EHMT1: variants seen among roughly 807,000 people sequenced by gnomAD.
EHMT1 encodes the protein histone-lysine N-methyltransferase EHMT1.
EHMT1 carries 15 observed loss-of-function variants against 147.2 expected under a neutral mutation model. That is an observed-to-expected ratio of 0.10 (90% confidence interval 0.07 to 0.16). EHMT1 has a LOEUF of 0.16. EHMT1 is among the 10% of genes least tolerant of loss of function. EHMT1 has a pLI of 1.00. For synonymous variants in EHMT1, 795 were observed against 709.6 expected (o/e 1.12, Z -1.91); for missense variants, 1,587 against 1,772.4 (o/e 0.90, Z 1.88).
chr9:137,670,112 A>C (rs1407024706), intron 1 of EHMT1, among the ~76,000 whole-genome samples: 1 of 152,090 alleles, frequency 6.6e-6, no homozygotes, highest in Non-Finnish European at 1.5e-5. Flanking sequence ...CGCCTGCCTC[A>C]GCCTCCCAAA....
intron 22 of EHMT1, 197 bp from the exon 23 acceptor site, chr9:137,815,750 T>G (rs1954868254): frequency 1.6e-6 from 1 of 632,108 alleles, no homozygotes; most frequent in Non-Finnish European, 2.9e-6. Flanking sequence ...ACAACCTGTG[T>G]GGGCATCTGG....
chr9:137,669,654 G>A (rs1009751849), intron 1 of EHMT1, among the ~76,000 whole-genome samples: 1 of 150,492 alleles, frequency 6.6e-6, no homozygotes, highest in South Asian at 2.1e-4. Flanking sequence ...TGCTCTCTTC[G>A]GAGCATTCAT....
Position 137,716,788 on chromosome 9 carries a change from A to T in EHMT1, c.248A>T (p.Asp83Val). ...TQDSARVNPQDGTNTLTRIAE... is the reference protein window; with the variant it reads ...TQDSARVNPQVGTNTLTRIAE... ...GACAGCGCAAGGGTCAACCCCCAGG[A>T]TGGCACCAACACACTAACTCGGATA... The change falls in exon 3 of 27, where the codon GAT becomes GTT. Residue 83 changes from aspartate (D) to valine (V), a missense_variant. Transcript: ENST00000460843. 1 of 1,613,280 alleles carries T rather than the reference A, an allele frequency of 6.2e-7. No homozygotes were observed. The highest frequency in any genetic ancestry group is 2.2e-5 in the East Asian group (1 of 44,886).
intron 25 of EHMT1, among the ~76,000 whole-genome samples, chr9:137,819,706 T>A (rs1360967365): frequency 6.6e-6 from 1 of 151,240 alleles, no homozygotes; most frequent in Non-Finnish European, 1.5e-5. Context: ...CGGCTGTGTG[T>A]TCTCGGTGAC....
intron 1 of EHMT1, among the ~76,000 whole-genome samples, chr9:137,644,818 G>A (rs901345568): frequency 6.6e-6 from 1 of 152,052 alleles, no homozygotes; most frequent in African/African-American, 2.4e-5. Flanking sequence ...TCTTTTGGTT[G>A]TCTCAATTGC....
At chr9:137,670,242 T>C (rs1940415477) in intron 1 of EHMT1, among the ~76,000 whole-genome samples, 1 of 151,956 alleles carries the variant, frequency 6.6e-6, no homozygotes. Flanking sequence ...CCTCCAAAGA[T>C]TTGTGTTTTT....
chr9:137,723,625 G>A (rs1281189747), intron 3 of EHMT1, among the ~76,000 whole-genome samples: 2 of 152,090 alleles, frequency 1.3e-5, no homozygotes, highest in African/African-American at 4.8e-5. Flanking sequence ...CCTGTGGCCC[G>A]GGGTGTGCCC....
At position 137,716,665 on chromosome 9, in the gene EHMT1, A is replaced by G; in HGVS notation, c.125A>G (p.Gln42Arg). The change falls in exon 3 of 27, where the codon CAG becomes CGG. Residue 42 changes from glutamine (Q) to arginine (R), a missense_variant. This residue lies in a region of EHMT1 where 810 missense variants were observed against 673.0 expected (regional missense o/e 1.20). Coordinates refer to ENST00000460843, the MANE Select transcript of EHMT1 (RefSeq NM_024757.5). Reference protein sequence around the residue: ...MAADEGSAEKQAGEAHMAADG... With the variant: ...MAADEGSAEKRAGEAHMAADG... ...GCCGATGAAGGCTCAGCAGAGAAACAGGCAGGAGAGGCCCACATGGCTGCG... is the reference window on the plus strand; with the variant it reads ...GCCGATGAAGGCTCAGCAGAGAAACGGGCAGGAGAGGCCCACATGGCTGCG... The G allele has an allele frequency of 6.3e-7, 1 of 1,595,714 alleles. No homozygotes were observed. The highest frequency in any genetic ancestry group is 8.6e-7 in the Non-Finnish European group (1 of 1,168,276).
rs1945467935 is a variant in EHMT1 at position 137,717,608 on chromosome 9, A to G, written c.642+426A>G. 1.2e-4 allele frequency among the ~76,000 whole-genome samples: 16 copies of G among 138,034 alleles called. No homozygotes were observed. In the South Asian group the frequency reaches 3.4e-3, roughly 29 times the overall value. The allele number at this position is 138,034 out of a possible 152,430, so 90.6% of individuals were successfully genotyped here. ...GCACCAGAGTGAGACCCTGTCTCAA[A>G]AAAAAAAAAAAAAAAAAAGAGATGC... On this transcript the variant is annotated intron_variant, in intron 3 of 26. Transcript: ENST00000460843.
chr9:137,756,755 T>A lies in EHMT1; in HGVS notation c.1370-1125T>A, dbSNP rs569032529. Among the ~76,000 whole-genome samples the A allele has an allele frequency of 2.0e-5, 3 of 152,388 alleles. No homozygotes were observed. The East Asian group carries it at 5.8e-4, about 29-fold the overall frequency. On this transcript the variant is annotated intron_variant, in intron 8 of 26. Transcript: ENST00000460843. ...GCTGTAATGTGCAAAATGTGTGCTT[T>A]TAAATATTCACAGAGGAGTTTGAAT...
intron 10 of EHMT1, among the ~76,000 whole-genome samples, chr9:137,769,388 T>C (rs1564726877): frequency 6.6e-6 from 1 of 152,246 alleles, no homozygotes; most frequent in Non-Finnish European, 1.5e-5. Flanking sequence ...ATCTAAAGAC[T>C]TTCCAATAAC....
intron 2 of EHMT1, among the ~76,000 whole-genome samples, chr9:137,714,578 T>A (rs1183850082): frequency 2.8e-5 from 4 of 142,440 alleles, no homozygotes; most frequent in African/African-American, 8.7e-5. Flanking sequence ...TTTTTTTTTT[T>A]AATGAGACCT....
intron 9 of EHMT1, among the ~76,000 whole-genome samples, chr9:137,759,512 A>G (rs1410282874): frequency 6.6e-6 from 1 of 152,204 alleles, no homozygotes; most frequent in East Asian, 1.9e-4. Context: ...GGGGGAAGGT[A>G]GCTCTAAAGG....
chr9:137,834,957 G>A lies in EHMT1; in HGVS notation c.*4G>A, dbSNP rs1037254250. The A allele has an allele frequency of 9.9e-6, 14 of 1,421,068 alleles. No individual in the cohort carries two copies. The African/African-American group carries it at 2.0e-4, about 20-fold the overall frequency. 88.0% of individuals were successfully genotyped at this position (1,421,068 alleles called of 1,614,324 possible). A position where few individuals can be genotyped will look rare whatever the true frequency, so the allele number is the denominator to read the frequency against. ...GGCTGCCGCCGACCCCCTATGAGAC[G>A]CCGCCGGCCAGCGGGGCGCTCGGGA... On this transcript the variant is annotated 3_prime_UTR_variant, in exon 27 of 27. Transcript: ENST00000460843.
chr9:137,713,098 T>A lies in EHMT1; in HGVS notation c.85+2068T>A, dbSNP rs1009020091. Among the ~76,000 whole-genome samples the A allele has an allele frequency of 3.9e-5, 6 of 151,948 alleles. No homozygotes were observed. The East Asian group carries it at 1.2e-3, about 29-fold the overall frequency. ...AATCAGTTGGCTTTAAATGTGAGGG[T>A]TTATTGTAAGATTTTCTTTTCTTTA... On this transcript the variant is annotated intron_variant, in intron 2 of 26. Coordinates refer to ENST00000460843, the MANE Select transcript of EHMT1 (RefSeq NM_024757.5).
chr9:137,769,083 T>C (rs569219246), intron 10 of EHMT1, among the ~76,000 whole-genome samples: 38 of 152,228 alleles, frequency 2.5e-4, no homozygotes, highest in Non-Finnish European at 4.7e-4. Context: ...TTGAATGGTT[T>C]CCCTGGAGTG....
intron 1 of EHMT1, among the ~76,000 whole-genome samples, chr9:137,632,611 C>T (rs2133641842): frequency 6.6e-6 from 1 of 152,206 alleles, no homozygotes; most frequent in Middle Eastern, 3.4e-3. Flanking sequence ...ACAATGTTAC[C>T]CAGGCTGGTC....
At chr9:137,627,070 G>T (rs138235602) in intron 1 of EHMT1, among the ~76,000 whole-genome samples, 1 of 152,146 alleles carries the variant, frequency 6.6e-6, no homozygotes, top group Non-Finnish European at 1.5e-5. Flanking sequence ...CGCTTCTCCT[G>T]CCTTCGCACC....
At chr9:137,673,875 C>T (rs565165259) in intron 1 of EHMT1, among the ~76,000 whole-genome samples, 1 of 152,200 alleles carries the variant, frequency 6.6e-6, no homozygotes, top group Non-Finnish European at 1.5e-5. Context: ...ATTACTTAGC[C>T]TCCCGGAGCC....
Sources: gnomAD v4.1 joint callset for allele counts (sites outside exome capture counted in the v4.1 genomes callset) on GRCh38, gnomAD v4.1.1 for gene constraint, gnomAD v4.1.1 regional missense constraint, MANE v1.5 for transcripts, NCBI Gene and HGNC (gene_info 2026-07-23, HGNC 2026-07-21) for gene names.